The following PIGG variants were observed in gnomAD, a reference collection of about 807,000 sequenced individuals.
PIGG encodes phosphatidylinositol glycan anchor biosynthesis class G (EMM blood group).
Under a neutral mutation model 83.2 loss-of-function variants are expected in PIGG, and 70 were observed. The ratio of observed to expected loss-of-function variants is 0.84; its 90% CI spans 0.69 to 1.03. The LOEUF (loss-of-function observed/expected upper bound fraction) is 1.03, where lower values mean the gene tolerates loss of function less well. Ranked by LOEUF, PIGG falls within the 50% of genes least tolerant of loss-of-function variation. The probability of loss-of-function intolerance (pLI) is 0.00; values close to 1 mark genes in which losing one functional copy is unlikely to be tolerated. For synonymous variants in PIGG, 532 were observed against 519.5 expected, an observed-to-expected ratio of 1.02 and a Z score of -0.33; for missense variants, 1,257 against 1,233.6, an observed-to-expected ratio of 1.02 and a Z score of -0.28.
intron 6 of PIGG, among the ~76,000 whole-genome samples, 159 bp downstream of exon 6, chr4:516,344 T>G (rs1317732305): frequency 6.6e-6 from 1 of 152,212 alleles, no homozygotes; most frequent in East Asian, 1.9e-4. Flanking sequence ...CTTAGAACTT[T>G]GAACTATCAC....
chr4:501,843 G>A (rs1441204812), intron 2 of PIGG: 2 of 152,328 alleles, frequency 1.3e-5, no homozygotes, highest in Non-Finnish European at 2.9e-5. Context: ...TTTCTAATTG[G>A]AGGGATAGAA....
At chr4:500,286 G>C in intron 1 of PIGG, 110 bp from the exon 2 acceptor site, 2 of 779,282 alleles carry the variant, frequency 2.6e-6, no homozygotes, top group Non-Finnish European at 4.2e-6. Flanking sequence ...GGGTTATGTA[G>C]ATATCGCAGG....
chr4:526,526 T>C (rs1195945947), intron 9 of PIGG, among the ~76,000 whole-genome samples: 1 of 152,146 alleles, frequency 6.6e-6, no homozygotes, highest in Non-Finnish European at 1.5e-5. Flanking sequence ...TCTAGGGACG[T>C]ATCATGCGTT....
intron 2 of PIGG, among the ~76,000 whole-genome samples, chr4:504,260 A>C (rs1718812285): frequency 6.6e-6 from 1 of 152,198 alleles, no homozygotes; most frequent in Non-Finnish European, 1.5e-5. Context: ...CTGGCTCCGC[A>C]TAGCTTAGTG....
chr4:504,681 G>A (rs1224749914), intron 2 of PIGG, among the ~76,000 whole-genome samples: 3 of 152,136 alleles, frequency 2.0e-5, no homozygotes, highest in Non-Finnish European at 2.9e-5. Flanking sequence ...CCAGGTTCCC[G>A]TTTATTTTCA....
At chr4:504,365 G>T (rs964584158) in intron 2 of PIGG, among the ~76,000 whole-genome samples, 1 of 152,176 alleles carries the variant, frequency 6.6e-6, no homozygotes, top group South Asian at 2.1e-4. Context: ...CTGCTGCAGC[G>T]TGGAGCTGGA....
chr4:509,345 A>G (rs1721041821), intron 5 of PIGG, among the ~76,000 whole-genome samples: 1 of 152,226 alleles, frequency 6.6e-6, no homozygotes, highest in Non-Finnish European at 1.5e-5. Flanking sequence ...AGCAGTGTCA[A>G]CAAGAGTCAT....
intron 12 of PIGG, among the ~76,000 whole-genome samples, chr4:534,632 T>C (rs1292980113): frequency 6.6e-6 from 1 of 152,230 alleles, no homozygotes; most frequent in Non-Finnish European, 1.5e-5. Flanking sequence ...CTGGTCCACC[T>C]CGTTCCCTCC....
chr4:504,628 G>A (rs900332127), intron 2 of PIGG, among the ~76,000 whole-genome samples: 2 of 152,100 alleles, frequency 1.3e-5, no homozygotes, highest in Non-Finnish European at 2.9e-5. Context: ...TTTATTTATC[G>A]TTAAAGATGT....
intron 2 of PIGG, chr4:501,032 G>A: frequency 2.3e-6 from 1 of 434,284 alleles, no homozygotes; most frequent in South Asian, 1.7e-5. Flanking sequence ...TTATCCACCA[G>A]TATACATAAT....
At chr4:512,683 TGGGC>T (rs1560302498) in intron 5 of PIGG, among the ~76,000 whole-genome samples, 14 of 151,594 alleles carry the variant, frequency 9.2e-5, no homozygotes, top group South Asian at 4.2e-4. Context: ...GATGTGGTGG[TGGGC>T]GCCTGTAATC....
intron 2 of PIGG, 69 bp from the exon 3 acceptor site, chr4:505,649 A>AAAAC (rs397963506): frequency 2.3e-5 from 25 of 1,104,398 alleles, no homozygotes; most frequent in South Asian, 4.2e-5. Context: ...AAAAAAAAAA[A>AAAAC]TCTTCAGTGC....
rs1197117142 is a variant in PIGG at position 523,821 on chromosome 4, G to A, written c.1977G>A (p.Trp659Ter). The change falls in exon 9 of 13, where the codon TGG (tryptophan) becomes TGA (stop). Residue 659 changes from tryptophan to a stop codon, truncating the protein, a stop_gained. Coordinates refer to ENST00000453061, the MANE Select transcript of PIGG (RefSeq NM_001127178.3). LOFTEE classifies it high-confidence loss of function. ...REKWMVLASP[W>*]LILACCRLLR... is the part of the protein sequence containing the mutation. ...AGTGGATGGTGCTGGCCAGTCCGTGGCTAATACTGGCCTGCTGCCGGCTGC... is the reference window on the plus strand; with the variant it reads ...AGTGGATGGTGCTGGCCAGTCCGTGACTAATACTGGCCTGCTGCCGGCTGC... 3 of 1,612,224 alleles carry A rather than the reference G, an allele frequency of 1.9e-6. No individual in the cohort carries two copies. Among genetic ancestry groups the A allele is most frequent in the Non-Finnish European group, 2.5e-6 (3 of 1,179,526 alleles).
intron 6 of PIGG, 27 bp downstream of exon 6, chr4:516,212 T>G: frequency 4.0e-6 from 6 of 1,488,174 alleles, no homozygotes; most frequent in East Asian, 2.3e-5. Flanking sequence ...TTTCGAGCTC[T>G]GTCAGAGCTG....
At chr4:527,873 CAT>C (rs759903731) in intron 10 of PIGG, 26 of 985,426 alleles carry the variant, frequency 2.6e-5, no homozygotes, top group Admixed American at 6.1e-5. Context: ...CAGCTTGTAA[CAT>C]GTGGGTGACC....
At position 521,907 on chromosome 4, in the gene PIGG, C is replaced by T. The variant is rs763389573; in HGVS notation, c.1580C>T (p.Thr527Ile). The part of the protein sequence containing the change: ...ALLCVIVSVL[T>I]NVLVGGNTPR... ...CTGTGTGTGATTGTGTCTGTTCTGA[C>T]CAACGTGCTCGTGGGTGGAAACACC... The change falls in exon 8 of 13, where the codon ACC becomes ATC. Residue 527 changes from threonine (T) to isoleucine (I), a missense_variant. By Grantham distance (89) the Thr-to-Ile change is moderately conservative. Coordinates refer to ENST00000453061, the MANE Select transcript of PIGG (RefSeq NM_001127178.3). 3.1e-5 allele frequency: 50 copies of T among 1,614,064 alleles called. No homozygotes were observed. The highest frequency in any genetic ancestry group is 4.2e-5 in the Non-Finnish European group (50 of 1,180,058).
Position 521,768 on chromosome 4 carries a change from C to G in PIGG, c.1441C>G (p.Leu481Val), listed in dbSNP as rs1333417722. ...TTCTCTGCTCTTTTATTTGGTGATC[C>G]TGGTTCTTTCGGCCGTTCACGTCAT... ...GFSLLFYLVI[L>V]VLSAVHVIVC... Residue 481 changes from leucine to valine, a missense_variant, in exon 8 of 13, where the codon CTG becomes GTG. By Grantham distance (32) the Leu-to-Val change is conservative. Transcript: ENST00000453061. 1.9e-6 allele frequency: 3 copies of G among 1,614,172 alleles called. No homozygotes were observed. The highest frequency in any genetic ancestry group is 3.3e-5 in the Admixed American group (2 of 60,028).
intron 12 of PIGG, among the ~76,000 whole-genome samples, chr4:538,169 C>T: frequency 7.0e-6 from 1 of 142,864 alleles, no homozygotes; most frequent in African/African-American, 2.6e-5. Context: ...TGGGGGCTGC[C>T]TCCGGGCCCT....
chr4:505,762 G>C lies in PIGG; in HGVS notation c.405G>C (p.Arg135Ser). 2 of 1,613,636 alleles carry C rather than the reference G, an allele frequency of 1.2e-6. No individual in the cohort carries two copies. The highest frequency in any genetic ancestry group is 2.2e-5 in the South Asian group (2 of 91,052). Residue 135 changes from arginine to serine, a missense_variant, in exon 3 of 13, where the codon AGG (arginine) becomes AGC (serine). By Grantham distance (110) the Arg-to-Ser change is moderately radical. Transcript: ENST00000453061. ...GSLPGFVDVI[R>S]NLNSPALLED... Reference sequence around the variant, plus strand: ...TTCCTGGCTTTGTCGACGTCATCAGGAACCTCAATTCTCCTGCACTGCTGG... The same window carrying C: ...TTCCTGGCTTTGTCGACGTCATCAGCAACCTCAATTCTCCTGCACTGCTGG...
Sources: gnomAD v4.1 joint callset for allele counts (sites outside exome capture counted in the v4.1 genomes callset) on GRCh38, gnomAD v4.1.1 for gene constraint, MANE v1.5 for transcripts, NCBI Gene and HGNC (gene_info 2026-07-23, HGNC 2026-07-21) for gene names.